Variants in LMLN observed in about 807,000 individuals in gnomAD.
LMLN encodes the protein leishmanolysin-like peptidase.
Under a neutral mutation model 92.3 loss-of-function variants are expected in LMLN, and 70 were observed. That is an observed-to-expected ratio of 0.76 (90% CI 0.63 to 0.92). The LOEUF is 0.92. LMLN is among the 40% of genes least tolerant of loss of function. The probability of loss-of-function intolerance (pLI) is 0.00; values close to 1 mark genes in which losing one functional copy is unlikely to be tolerated. For synonymous variants in LMLN, 308 were observed against 296.2 expected, an observed-to-expected ratio of 1.04 and a Z score of -0.41; for missense variants, 691 against 814.6, an observed-to-expected ratio of 0.85 and a Z score of 1.85.
chr3:197,975,988 C>T, intron 3 of LMLN, 41 bp from the exon 4 acceptor site: 1 of 1,180,176 alleles, frequency 8.5e-7, no homozygotes, highest in East Asian at 2.5e-5. Context: ...TTTATCTCTT[C>T]CTTATAATTC....
At position 197,963,442 on chromosome 3, in the gene LMLN, C is replaced by T. The variant is rs141561379; in HGVS notation, c.219+3002C>T. On this transcript the variant is annotated intron_variant, in intron 1 of 15. Transcript: ENST00000330198. ...CTGGCCTTAGGCGATCCTCCTGCCT[C>T]GACCTCCCAAAGTGCCAGGATTACA... Among the ~76,000 whole-genome samples the T allele has an allele frequency of 4.6e-3, 696 of 152,270 alleles. 3 individuals carry two copies. Among genetic ancestry groups the T allele is most frequent in the African/African-American group, 0.015 (638 of 41,564 alleles).
chr3:197,963,201 C>CTTTTTTT (rs59827521), intron 1 of LMLN, among the ~76,000 whole-genome samples: 14 of 143,998 alleles, frequency 9.7e-5, no homozygotes, highest in South Asian at 2.2e-4. Flanking sequence ...TTTTCTCTCT[C>CTTTTTTT]TTTTTTTTTT....
At chr3:198,012,803 C>T (rs558899717) in intron 11 of LMLN, among the ~76,000 whole-genome samples, 3 of 150,236 alleles carry the variant, frequency 2.0e-5, no homozygotes, top group South Asian at 2.1e-4. Flanking sequence ...CTGTACCCTT[C>T]AGAGCCCCCT....
rs552048823 is a variant in LMLN at position 197,994,692 on chromosome 3, G to A, written c.1048-1483G>A. On this transcript the variant is annotated intron_variant, in intron 9 of 15. Coordinates refer to ENST00000330198, the Ensembl canonical transcript of LMLN. ...GTGCAAGGATGACATGCAAATTCAT[G>A]AAGCATTCCATATTTTAAAAAGAAA... The A allele has an allele frequency of 2.6e-5, 4 of 152,260 alleles. No individual in the cohort carries two copies. In the East Asian group the frequency reaches 5.8e-4, roughly 22 times the overall value. The allele number at this position is 152,260 out of a possible 1,614,324, so 9.4% of individuals were successfully genotyped here.
chr3:198,005,512 A>T (rs778979003), intron 11 of LMLN, among the ~76,000 whole-genome samples: 4 of 152,218 alleles, frequency 2.6e-5, no homozygotes, highest in Non-Finnish European at 5.9e-5. Context: ...AATACAATAT[A>T]AATGCTATGG....
rs1225658499 is a variant in LMLN, at chr3:197,976,496, T to G, written c.432-102T>G. ...TTCCTGACTAAAATAGTAACATTAT[T>G]AATGAAGTAATATAGCAGCTACCAG... On this transcript the variant is annotated intron_variant, in intron 4 of 15. Transcript: ENST00000330198. The G allele has an allele frequency of 6.8e-6, 4 of 587,636 alleles. No individual in the cohort carries two copies. The East Asian group carries it at 1.2e-4, about 17-fold the overall frequency. 36.4% of individuals were successfully genotyped at this position (587,636 alleles called of 1,614,324 possible).
intron 11 of LMLN, among the ~76,000 whole-genome samples, chr3:198,013,393 T>G (rs112191436): frequency 1.0e-5 from 1 of 96,150 alleles, no homozygotes; most frequent in Non-Finnish European, 1.9e-5. Context: ...CTCTCCACCC[T>G]TTAGAGCCCC....
chr3:197,968,176 A>G (rs900671648), intron 1 of LMLN, among the ~76,000 whole-genome samples: 5 of 152,200 alleles, frequency 3.3e-5, no homozygotes, highest in African/African-American at 9.6e-5. Context: ...GTAAGAAGTT[A>G]TAAGAGTACA....
chr3:198,000,680 G>A (rs766991216), intron 11 of LMLN, among the ~76,000 whole-genome samples: 128 of 152,104 alleles, frequency 8.4e-4, no homozygotes, highest in Non-Finnish European at 1.4e-3. Context: ...TGCCCACCTC[G>A]GCCTCCCAAA....
intron 8 of LMLN, among the ~76,000 whole-genome samples, chr3:197,987,616 T>C (rs1721749440): frequency 6.6e-6 from 1 of 152,204 alleles, no homozygotes; most frequent in African/African-American, 2.4e-5. Context: ...AAAATTGATA[T>C]CCATCGTAAT....
At chr3:198,007,982 G>A (rs1318560258) in intron 11 of LMLN, among the ~76,000 whole-genome samples, 1 of 152,146 alleles carries the variant, frequency 6.6e-6, no homozygotes, top group East Asian at 1.9e-4. Flanking sequence ...TACTTTAGTT[G>A]CTATGCATAA....
intron 11 of LMLN, among the ~76,000 whole-genome samples, chr3:198,001,207 A>G (rs150329734): frequency 0.012 from 1,827 of 152,320 alleles, 15 homozygotes; most frequent in Non-Finnish European, 0.017. Context: ...TTGTTTTAGT[A>G]TCTGTCTTCC....
chr3:197,982,937 AGTGGACACTGTCGGAGGACAGG>A (rs1394332840), intron 6 of LMLN, among the ~76,000 whole-genome samples: 2 of 152,218 alleles, frequency 1.3e-5, no homozygotes, highest in Non-Finnish European at 1.5e-5. Context: ...GGAGCCCCTC[AGTGGACACTGTCGGAGGACAGG>A]TGCTTTGACA....
chr3:197,978,829 A>G (rs1248229258), intron 5 of LMLN, among the ~76,000 whole-genome samples: 1 of 151,968 alleles, frequency 6.6e-6, no homozygotes, highest in African/African-American at 2.4e-5. Context: ...TCTGTCTACT[A>G]AAGATACAAA....
intron 14 of LMLN, among the ~76,000 whole-genome samples, chr3:198,028,931 A>C (rs1723005443): frequency 6.6e-6 from 1 of 152,168 alleles, no homozygotes; most frequent in African/African-American, 2.4e-5. Flanking sequence ...AGTCGTTCTT[A>C]GTATCATCTT....
chr3:197,968,206 C>T (rs975489209), intron 1 of LMLN, among the ~76,000 whole-genome samples: 2 of 152,094 alleles, frequency 1.3e-5, no homozygotes, highest in African/African-American at 4.8e-5. Flanking sequence ...GTGGCTTATG[C>T]CTGTAATCCC....
chr3:197,982,372 C>T (rs1406556400), intron 6 of LMLN, among the ~76,000 whole-genome samples: 4 of 151,796 alleles, frequency 2.6e-5, no homozygotes, highest in South Asian at 4.2e-4. Context: ...ACTACAGGTG[C>T]GCACCACCAC....
chr3:198,035,935 T>C (rs1490001547), exon 15 of LMLN: 1 of 1,614,146 alleles, frequency 6.2e-7, no homozygotes, highest in South Asian at 1.1e-5. Flanking sequence ...GATGAATGGC[T>C]GGATTCACGA....
chr3:197,986,006 G>A (rs1363803489), intron 8 of LMLN, 116 bp downstream of exon 8: 3 of 638,340 alleles, frequency 4.7e-6, no homozygotes, highest in African/African-American at 1.8e-5. Context: ...GCAAACCTAA[G>A]GAAATTGTAG....
Sources: gnomAD v4.1 joint callset for allele counts (sites outside exome capture counted in the v4.1 genomes callset) on GRCh38, gnomAD v4.1.1 for gene constraint, MANE v1.5 for transcripts, NCBI Gene and HGNC (gene_info 2026-07-23, HGNC 2026-07-21) for gene names.